The following GNB1 variants were observed in gnomAD, a reference collection of about 807,000 sequenced individuals.
GNB1 encodes guanine nucleotide-binding protein G(I)/G(S)/G(T) subunit beta-1.
Under a neutral mutation model 42.9 loss-of-function variants are expected in GNB1, and 2 were observed. That is an observed-to-expected ratio of 0.05 (90% CI 0.02 to 0.15). The LOEUF is 0.15. Among genes scored for constraint, GNB1 ranks in the 10% least tolerant of loss-of-function variants. The probability of loss-of-function intolerance (pLI) is 1.00; values close to 1 mark genes in which losing one functional copy is unlikely to be tolerated. For missense variants in GNB1, 193 were observed against 462.2 expected (o/e 0.42, Z 5.34); for synonymous variants, 183 against 174.7 (o/e 1.05, Z -0.38).
intron 1 of GNB1, among the ~76,000 whole-genome samples, chr1:1,873,576 C>CAT (rs1649365845): frequency 6.6e-6 from 1 of 152,230 alleles, no homozygotes; most frequent in South Asian, 2.1e-4. Flanking sequence ...TACCCAGGAG[C>CAT]ATATAACTGA....
chr1:1,843,191 A>G (rs750249771), intron 1 of GNB1, among the ~76,000 whole-genome samples: 2 of 152,220 alleles, frequency 1.3e-5, no homozygotes, highest in Non-Finnish European at 2.9e-5. Flanking sequence ...CTACTAAAAA[A>G]AATTATACAT....
At chr1:1,856,940 C>T (rs1301118132) in intron 1 of GNB1, among the ~76,000 whole-genome samples, 4 of 152,102 alleles carry the variant, frequency 2.6e-5, no homozygotes, top group South Asian at 4.1e-4. Flanking sequence ...ACAGTAATAC[C>T]GTAAAGACAT....
intron 1 of GNB1, among the ~76,000 whole-genome samples, chr1:1,878,922 C>T (rs1383072843): frequency 1.3e-5 from 2 of 152,168 alleles, no homozygotes; most frequent in Non-Finnish European, 2.9e-5. Context: ...AACTTCGGAC[C>T]ATTCCCTCTG....
Position 1,835,922 on chromosome 1 carries a change from G to GAAAAAAAAAA in GNB1, c.-47+3258_-47+3267dup, listed in dbSNP as rs59271649. On this transcript the variant is annotated intron_variant, in intron 2 of 11. Transcript: ENST00000378609. Reference sequence around the variant, plus strand: ...CCCCGTCTTACAAGAATTAAAAAAAGAAAAAAAAAAAAAAAAAAAAAGCCA... The same window carrying GAAAAAAAAAA: ...CCCCGTCTTACAAGAATTAAAAAAAGAAAAAAAAAAAAAAAAAAAAAAAAAAAAAAAGCCA... Among the ~76,000 whole-genome samples the GAAAAAAAAAA allele has an allele frequency of 3.9e-4, 35 of 88,660 alleles. 1 individual carries two copies. The highest frequency in any genetic ancestry group is 5.7e-4 in the African/African-American group (12 of 21,216). 58.2% of individuals were successfully genotyped at this position (88,660 alleles called of 152,430 possible).
rs1173466617 is a variant in GNB1, at chr1:1,864,314, C to CAAAAAAAAAAAAAA, written c.-95-25090_-95-25077dup. ...CTGGGTGACAAGAGCAAGACTCTCT[C>CAAAAAAAAAAAAAA]AAAAAAAAAAAAAAAAAAAAAAGAA... On this transcript the variant is annotated intron_variant, in intron 1 of 11. Transcript: ENST00000378609. 3.0e-3 allele frequency among the ~76,000 whole-genome samples: 115 copies of CAAAAAAAAAAAAAA among 37,900 alleles called. 2 individuals are homozygous for CAAAAAAAAAAAAAA. The highest frequency in any genetic ancestry group is 4.0e-3 in the Admixed American group (7 of 1,752). 24.9% of individuals were successfully genotyped at this position (37,900 alleles called of 152,430 possible).
At chr1:1,805,948 T>C (rs1316908238) in intron 6 of GNB1, among the ~76,000 whole-genome samples, 4 of 152,378 alleles carry the variant, frequency 2.6e-5, no homozygotes, top group Non-Finnish European at 4.4e-5. Context: ...CAATCATTTA[T>C]ACACATTTAG....
At chr1:1,824,259 T>C (rs1646968372) in intron 3 of GNB1, among the ~76,000 whole-genome samples, 1 of 152,214 alleles carries the variant, frequency 6.6e-6, no homozygotes, top group Non-Finnish European at 1.5e-5. Flanking sequence ...TGTTTCTCTA[T>C]AAAATATTTA....
At chr1:1,791,466 C>T (rs1341192176) in intron 8 of GNB1, among the ~76,000 whole-genome samples, 3 of 152,140 alleles carry the variant, frequency 2.0e-5, no homozygotes, top group East Asian at 3.9e-4. Flanking sequence ...TGAGCCACCG[C>T]GCCCGGCCAT....
At chr1:1,888,207 T>C (rs1478997618) in intron 1 of GNB1, among the ~76,000 whole-genome samples, 2 of 152,208 alleles carry the variant, frequency 1.3e-5, no homozygotes, top group Non-Finnish European at 2.9e-5. Context: ...AATTCTGAGC[T>C]GAAATTTCAT....
intron 2 of GNB1, among the ~76,000 whole-genome samples, chr1:1,834,486 A>C (rs546323440): frequency 1.1e-4 from 16 of 152,272 alleles, no homozygotes; most frequent in Non-Finnish European, 2.2e-4. Context: ...ACACATCTTC[A>C]AACATGTTGA....
rs146801741 is a variant in GNB1, at chr1:1,827,913, A to C, written c.-46-2414T>G. On this transcript the variant is annotated intron_variant, in intron 2 of 11. Coordinates refer to ENST00000378609, the MANE Select transcript of GNB1 (RefSeq NM_002074.5). ...TTAAACTGTTTTAGTTAACACACACAGTTTCTGATCATTTAAACACTAAAA... is the reference window on the plus strand; with the variant it reads ...TTAAACTGTTTTAGTTAACACACACCGTTTCTGATCATTTAAACACTAAAA... 1.8e-3 allele frequency among the ~76,000 whole-genome samples: 275 copies of C among 152,316 alleles called. 1 individual carries two copies. The highest frequency in any genetic ancestry group is 6.5e-3 in the African/African-American group (269 of 41,568).
intron 1 of GNB1, among the ~76,000 whole-genome samples, chr1:1,885,458 T>C (rs1157453496): frequency 6.6e-6 from 1 of 151,188 alleles, no homozygotes; most frequent in Admixed American, 6.6e-5. Flanking sequence ...ATAATCTTAA[T>C]CTGGTCTTTT....
chr1:1,865,884 C>G (rs539450999), intron 1 of GNB1, among the ~76,000 whole-genome samples: 41 of 151,962 alleles, frequency 2.7e-4, no homozygotes, highest in African/African-American at 9.2e-4. Context: ...AAAGAGAAAA[C>G]AGTTTTGTTT....
chr1:1,866,353 G>A (rs1194893589), intron 1 of GNB1, among the ~76,000 whole-genome samples: 1 of 152,210 alleles, frequency 6.6e-6, no homozygotes, highest in Non-Finnish European at 1.5e-5. Context: ...TTTTTCACAA[G>A]TCAATCAAAT....
chr1:1,879,249 CT>C (rs1031207656), intron 1 of GNB1, among the ~76,000 whole-genome samples: 7 of 152,212 alleles, frequency 4.6e-5, no homozygotes, highest in African/African-American at 1.7e-4. Flanking sequence ...CTCAGACCCC[CT>C]CTACATCCTC....
chr1:1,823,066 C>A lies in GNB1; in HGVS notation c.57+2331G>T, dbSNP rs928023848. 2.0e-5 allele frequency among the ~76,000 whole-genome samples: 3 copies of A among 151,820 alleles called. No homozygotes were observed. The South Asian group carries it at 6.3e-4, about 32-fold the overall frequency. On this transcript the variant is annotated intron_variant, in intron 3 of 11. Coordinates refer to ENST00000378609, the MANE Select transcript of GNB1 (RefSeq NM_002074.5). ...GACCATCCTGGCTAACACGGTGAAA[C>A]CCCATCTCTACTAAAAGTACAAAAA...
intron 1 of GNB1, among the ~76,000 whole-genome samples, chr1:1,848,311 G>A (rs573554280): frequency 2.7e-5 from 4 of 149,980 alleles, no homozygotes; most frequent in Admixed American, 6.6e-5. Flanking sequence ...CCCAGGAGGC[G>A]GAGGCTGCAG....
At chr1:1,859,030 T>TC (rs1400048835) in intron 1 of GNB1, among the ~76,000 whole-genome samples, 1 of 151,850 alleles carries the variant, frequency 6.6e-6, no homozygotes, top group Non-Finnish European at 1.5e-5. Flanking sequence ...ATTTTCTTTT[T>TC]TTTTTTTTTG....
Position 1,794,704 on chromosome 1 carries a change from T to G in GNB1, c.431-1393A>C, listed in dbSNP as rs183692068. Among the ~76,000 whole-genome samples the G allele has an allele frequency of 5.3e-5, 8 of 152,342 alleles. No homozygotes were observed. In the East Asian group the frequency reaches 7.7e-4, roughly 15 times the overall value. On this transcript the variant is annotated intron_variant, in intron 7 of 11. Coordinates refer to ENST00000378609, the MANE Select transcript of GNB1 (RefSeq NM_002074.5). ...TATTTAACAAACATTATTATCACTA[T>G]TTTTTGAGACAGAGTCTCGTGCTGT...
Sources: allele counts gnomAD v4.1 joint callset (sites outside exome capture counted in the v4.1 genomes callset), GRCh38; gene constraint gnomAD v4.1.1; transcripts MANE v1.5; gene names NCBI Gene and HGNC (gene_info 2026-07-23, HGNC 2026-07-21).